Variants in LRRC17 observed in about 807,000 individuals in gnomAD.
LRRC17 encodes leucine rich repeat containing 17.
In LRRC17, 33 loss-of-function variants were observed where a neutral mutation model predicts 41.5. The ratio of observed to expected loss-of-function variants is 0.80; its 90% CI spans 0.60 to 1.06. The LOEUF (loss-of-function observed/expected upper bound fraction) is 1.06, where lower values mean the gene tolerates loss of function less well. Among genes scored for constraint, LRRC17 ranks in the 50% least tolerant of loss-of-function variants. The pLI, the probability that LRRC17 is intolerant of heterozygous loss-of-function variation, is 0.00. For missense variants in LRRC17, 491 were observed against 519.3 expected (o/e 0.95, Z 0.53); for synonymous variants, 192 against 197.0 (o/e 0.97, Z 0.21).
At chr7:102,926,974 A>G (rs1818261246) in intron 1 of LRRC17, among the ~76,000 whole-genome samples, 1 of 152,204 alleles carries the variant, frequency 6.6e-6, no homozygotes, top group Admixed American at 6.5e-5. Flanking sequence ...GTTGGGCAGG[A>G]GATTCAATGC....
chr7:102,934,857 A>C (rs997531825), intron 2 of LRRC17, among the ~76,000 whole-genome samples, 172 bp downstream of exon 2: 1 of 152,200 alleles, frequency 6.6e-6, no homozygotes, highest in Non-Finnish European at 1.5e-5. Flanking sequence ...TCCAGACTCA[A>C]GGCAGTTGGT....
At chr7:102,920,416 T>C (rs1194295376) in intron 1 of LRRC17, among the ~76,000 whole-genome samples, 1 of 151,958 alleles carries the variant, frequency 6.6e-6, no homozygotes, top group East Asian at 1.9e-4. Flanking sequence ...CACAGCACAA[T>C]CATGACTCAC....
Position 102,917,495 on chromosome 7 carries a change from A to T in LRRC17, c.-141+4350A>T, listed in dbSNP as rs145092086. On this transcript the variant is annotated intron_variant, in intron 1 of 3. Transcript: ENST00000339431. ...TTATAATTCAGGAAAAGGAAAAATC[A>T]CTGCAGACTTCTGGTAGATGGCGAG... is the stretch of plus-strand genomic sequence containing the variant. 1.3e-3 allele frequency among the ~76,000 whole-genome samples: 203 copies of T among 152,338 alleles called. 4 individuals carry two copies. In the East Asian group the frequency reaches 0.037, roughly 28 times the overall value.
chr7:102,924,641 C>CTTTTT (rs71106699), intron 1 of LRRC17, among the ~76,000 whole-genome samples: 1 of 121,042 alleles, frequency 8.3e-6, no homozygotes, highest in Admixed American at 9.7e-5. Flanking sequence ...GTAAGCTTTT[C>CTTTTT]TTTTTTTTTT....
At chr7:102,914,926 A>G (rs1039363249) in intron 1 of LRRC17, among the ~76,000 whole-genome samples, 2 of 152,164 alleles carry the variant, frequency 1.3e-5, no homozygotes, top group Non-Finnish European at 1.5e-5. Context: ...GAGGCACACC[A>G]GGGTGTCATT....
intron 3 of LRRC17, among the ~76,000 whole-genome samples, chr7:102,942,641 A>G (rs1821677729): frequency 6.6e-6 from 1 of 152,200 alleles, no homozygotes; most frequent in African/African-American, 2.4e-5. Flanking sequence ...GAATTTTAGC[A>G]AATAGAAAAA....
intron 1 of LRRC17, among the ~76,000 whole-genome samples, chr7:102,919,091 T>C (rs1055274301): frequency 6.6e-6 from 1 of 152,184 alleles, no homozygotes; most frequent in Non-Finnish European, 1.5e-5. Context: ...AGTTGATTGT[T>C]AGCATCTCTT....
At chr7:102,940,338 T>C (rs928013189) in intron 3 of LRRC17, among the ~76,000 whole-genome samples, 6 of 151,786 alleles carry the variant, frequency 4.0e-5, no homozygotes, top group Non-Finnish European at 8.8e-5. Flanking sequence ...GCCTCCCAAG[T>C]AGCTGGAACT....
chr7:102,915,303 C>T (rs954936872), intron 1 of LRRC17, among the ~76,000 whole-genome samples: 3 of 151,656 alleles, frequency 2.0e-5, no homozygotes, highest in Non-Finnish European at 4.4e-5. Flanking sequence ...CAATCAAAAT[C>T]GGCAGGGACA....
At chr7:102,936,897 G>A (rs926433536) in intron 2 of LRRC17, among the ~76,000 whole-genome samples, 1 of 151,014 alleles carries the variant, frequency 6.6e-6, no homozygotes, top group Non-Finnish European at 1.5e-5. Flanking sequence ...CCCCCAATGA[G>A]CCTATTTCTG....
chr7:102,942,248 G>T, intron 3 of LRRC17: 2 of 1,518,110 alleles, frequency 1.3e-6, no homozygotes, highest in South Asian at 2.5e-5. Context: ...AAGGCAAAAT[G>T]ACCTAAAGAA....
chr7:102,926,193 G>T, intron 1 of LRRC17: 1 of 1,156,438 alleles, frequency 8.6e-7, no homozygotes, highest in African/African-American at 1.5e-5. Context: ...AGGGAGCACT[G>T]CCCTTGCAGA....
chr7:102,920,638 C>T (rs537758899), intron 1 of LRRC17, among the ~76,000 whole-genome samples: 32 of 152,162 alleles, frequency 2.1e-4, no homozygotes, highest in East Asian at 3.9e-4. Flanking sequence ...CAAGCCACCA[C>T]GCATGGCCCA....
intron 1 of LRRC17, among the ~76,000 whole-genome samples, chr7:102,919,727 A>G (rs1816623106): frequency 6.6e-6 from 1 of 152,232 alleles, no homozygotes; most frequent in South Asian, 2.1e-4. Context: ...AGAACTATAC[A>G]TGAAGAGAAG....
At position 102,934,693 on chromosome 7, in the gene LRRC17, C is replaced by T. The variant is rs1819950210; in HGVS notation, c.772+8C>T. 1 of 1,562,628 alleles carries T rather than the reference C, an allele frequency of 6.4e-7. No homozygotes were observed. The highest frequency in any genetic ancestry group is 1.2e-5 in the South Asian group (1 of 82,776). On this transcript the variant is annotated splice_region_variant and intron_variant, in intron 2 of 3. Coordinates refer to ENST00000339431, the MANE Select transcript of LRRC17 (RefSeq NM_001031692.3). ...TGGACTGCAAAAGGAAAGGTTTGTA[C>T]TTTTCTTACTTTTTCATTTTCATGA...
At chr7:102,921,378 G>GT (rs1369777547) in intron 1 of LRRC17, among the ~76,000 whole-genome samples, 7 of 152,112 alleles carry the variant, frequency 4.6e-5, no homozygotes, top group African/African-American at 1.7e-4. Context: ...CAGAAATTTT[G>GT]TTCTCTATAA....
intron 3 of LRRC17, among the ~76,000 whole-genome samples, chr7:102,943,344 A>T (rs1278151925): frequency 2.0e-5 from 3 of 152,104 alleles, no homozygotes; most frequent in African/African-American, 4.8e-5. Context: ...ACCAAAAAAA[A>T]AAAAAGCCCA....
chr7:102,915,493 A>T (rs2129469471), intron 1 of LRRC17, among the ~76,000 whole-genome samples: 1 of 132,044 alleles, frequency 7.6e-6, no homozygotes, highest in East Asian at 2.1e-4. Context: ...TTGAATGTAT[A>T]CCTCGATCTA....
At chr7:102,941,919 C>T (rs1430849862) in intron 3 of LRRC17, among the ~76,000 whole-genome samples, 2 of 152,012 alleles carry the variant, frequency 1.3e-5, no homozygotes, top group Non-Finnish European at 2.9e-5. Context: ...ATGGACTTGC[C>T]TTGCTTCTAC....
Sources: gnomAD v4.1 joint callset for allele counts (sites outside exome capture counted in the v4.1 genomes callset) on GRCh38, gnomAD v4.1.1 for gene constraint, MANE v1.5 for transcripts, NCBI Gene and HGNC (gene_info 2026-07-23, HGNC 2026-07-21) for gene names.